LZIC: variants seen among roughly 807,000 people sequenced by gnomAD.
LZIC encodes the protein protein LZIC.
LZIC carries 28 observed loss-of-function variants against 25.4 expected under a neutral mutation model. The ratio of observed to expected loss-of-function variants is 1.10; its 90% confidence interval spans 0.82 to 1.51. LZIC has a LOEUF of 1.51. Among genes scored for constraint, LZIC ranks in the 40% most tolerant of loss-of-function variants. The pLI is 0.00. For synonymous variants in LZIC, 65 were observed against 70.7 expected (o/e 0.92, Z 0.40); for missense variants, 170 against 211.1 (o/e 0.81, Z 1.21).
intron 2 of LZIC, among the ~76,000 whole-genome samples, chr1:9,939,748 C>A (rs990881922): frequency 5.3e-5 from 8 of 152,028 alleles, no homozygotes; most frequent in African/African-American, 1.9e-4. Flanking sequence ...TTCTCCTCCC[C>A]AAAATTCTTG....
At position 9,929,453 on chromosome 1, in the gene LZIC, G is replaced by C. The variant is rs1391381328; in HGVS notation, c.*946C>G. On this transcript the variant is annotated 3_prime_UTR_variant, in exon 8 of 8. Coordinates refer to ENST00000377223, the MANE Select transcript of LZIC (RefSeq NM_032368.5). ...ATGTAAATACTCAGGAGAGAAATTTGCTTTTCCTCATAACTTATTTTGTGT... is the reference window on the plus strand; with the variant it reads ...ATGTAAATACTCAGGAGAGAAATTTCCTTTTCCTCATAACTTATTTTGTGT... The C allele has an allele frequency of 4.1e-6, 4 of 985,288 alleles. No homozygotes were observed. The highest frequency in any genetic ancestry group is 3.5e-5 in the African/African-American group (2 of 57,232). The allele number at this position is 985,288 out of a possible 1,614,324, so 61.0% of individuals were successfully genotyped here. A position where few individuals can be genotyped will look rare whatever the true frequency, so the allele number is the denominator to read the frequency against.
Position 9,936,641 on chromosome 1 carries a change from T to G in LZIC, c.-8-14A>C. On this transcript the variant is annotated splice_polypyrimidine_tract_variant and intron_variant, in intron 2 of 7. Transcript: ENST00000377223. ...CCATTTTAATCTCTATGTGAAACAA[T>G]AAACCCACATACCATATGAAATTAA... 1 of 1,496,252 alleles carries G rather than the reference T, an allele frequency of 6.7e-7. No individual in the cohort carries two copies. The highest frequency in any genetic ancestry group is 1.1e-5 in the South Asian group (1 of 88,496). 92.7% of individuals were successfully genotyped at this position (1,496,252 alleles called of 1,614,324 possible).
Position 9,929,337 on chromosome 1 carries a change from G to A in LZIC, c.*1062C>T. ...GTGCAAAGAAAAAGAATATTGAGAA[G>A]CACATGAAAGAATATAAAATGGCTA... On this transcript the variant is annotated 3_prime_UTR_variant, in exon 8 of 8. Transcript: ENST00000377223. 2 of 984,554 alleles carry A rather than the reference G, an allele frequency of 2.0e-6. No homozygotes were observed. The highest frequency in any genetic ancestry group is 2.4e-6 in the Non-Finnish European group (2 of 829,236). 61.0% of individuals were successfully genotyped at this position (984,554 alleles called of 1,614,324 possible). A position where few individuals can be genotyped will look rare whatever the true frequency, so the allele number is the denominator to read the frequency against.
rs1313982967 is a variant in LZIC at position 9,939,650 on chromosome 1, C to A, written c.-9+2974G>T. On this transcript the variant is annotated intron_variant, in intron 2 of 7. Transcript: ENST00000377223. ...TACAGGCATGAGCCACTGTGTCCAG[C>A]CCTCAGGCAACATTTCTTGCTATTT... is the stretch of plus-strand genomic sequence containing the variant. 2.0e-5 allele frequency among the ~76,000 whole-genome samples: 3 copies of A among 151,346 alleles called. No homozygotes were observed. The East Asian group carries it at 5.8e-4, about 29-fold the overall frequency.
At position 9,927,025 on chromosome 1, in the gene LZIC, A is replaced by C. The variant is rs1452932669; in HGVS notation, c.*3374T>G. The stretch of plus-strand genomic sequence containing the variant: ...AACTTTACGTGCATTAACAGAGGGG[A>C]ATGCATAATAATCCTATGAGGTAGG... On this transcript the variant is annotated 3_prime_UTR_variant, in exon 8 of 8. Transcript: ENST00000377223. Among the ~76,000 whole-genome samples the C allele has an allele frequency of 6.6e-6, 1 of 152,164 alleles. No individual in the cohort carries two copies. The highest frequency in any genetic ancestry group is 1.5e-5 in the Non-Finnish European group (1 of 68,022).
intron 3 of LZIC, among the ~76,000 whole-genome samples, chr1:9,935,958 C>T (rs1334011774): frequency 2.6e-5 from 4 of 151,928 alleles, no homozygotes; most frequent in African/African-American, 4.8e-5. Flanking sequence ...GGTAAAACCC[C>T]GTCTCTACTA....
downstream of LZIC, among the ~76,000 whole-genome samples, chr1:9,923,518 CTTTTTTTTTTTT>C (rs60858066): frequency 0.018 from 1,332 of 74,188 alleles, 41 homozygotes; most frequent in African/African-American, 0.063. Context: ...CCCAATGCTT[CTTTTTTTTTTTT>C]TTTTTTTTTT....
chr1:9,943,186 G>C (rs2101622884), intron 1 of LZIC, 63 bp downstream of exon 1: 1 of 173,760 alleles, frequency 5.8e-6, no homozygotes, highest in African/African-American at 2.4e-5. Flanking sequence ...GGCTCCAACA[G>C]GCCCCAATTG....
intron 5 of LZIC, among the ~76,000 whole-genome samples, chr1:9,934,227 C>CAAA (rs5772390): frequency 8.4e-6 from 1 of 119,346 alleles, no homozygotes; most frequent in Non-Finnish European, 1.8e-5. Context: ...GACCCCATCT[C>CAAA]AAAAAAAAAA....
intron 5 of LZIC, among the ~76,000 whole-genome samples, chr1:9,933,272 A>G (rs1234312533): frequency 1.4e-5 from 2 of 143,292 alleles, no homozygotes; most frequent in African/African-American, 5.1e-5. Context: ...AAAAAAAAAA[A>G]AAAAAAAAAA....
chr1:9,929,231 CCTCTAA>C lies in LZIC; in HGVS notation c.*1162_*1167del. The stretch of plus-strand genomic sequence containing the variant: ...AATAAGGCATCAGTGTAGCGGAGGT[CCTCTAA>C]TCTGTCTGGTTGGCAAAGCACCTAG... On this transcript the variant is annotated 3_prime_UTR_variant, in exon 8 of 8. Coordinates refer to ENST00000377223, the MANE Select transcript of LZIC (RefSeq NM_032368.5). 1.3e-6 allele frequency: 1 copy of C among 795,584 alleles called. No individual in the cohort carries two copies. Among genetic ancestry groups the C allele is most frequent in the Non-Finnish European group, 1.5e-6 (1 of 656,766 alleles). 49.3% of individuals were successfully genotyped at this position (795,584 alleles called of 1,614,324 possible).
In LZIC at chr1:9,942,779, G is replaced by C; in HGVS notation, c.-164C>G. On this transcript the variant is annotated 5_prime_UTR_variant, in exon 2 of 8. In the 5' UTR this introduces an upstream ATG that the reference lacks. Transcript: ENST00000377223. The stretch of plus-strand genomic sequence containing the variant: ...AAAGTTCAAACCACCTCGGGGTGGA[G>C]ATGCTGGAAAAAAGGAAACCATTAA... The C allele has an allele frequency of 1.0e-6, 1 of 970,710 alleles. No homozygotes were observed. Among genetic ancestry groups the C allele is most frequent in the Non-Finnish European group, 1.4e-6 (1 of 698,482 alleles). The allele number at this position is 970,710 out of a possible 1,614,324, so 60.1% of individuals were successfully genotyped here.
chr1:9,923,993 C>G (rs1050771802), downstream of LZIC, among the ~76,000 whole-genome samples: 1 of 152,282 alleles, frequency 6.6e-6, no homozygotes, highest in African/African-American at 2.4e-5. Flanking sequence ...TTCAGGTGAT[C>G]CACCCACCTC....
At position 9,928,930 on chromosome 1, in the gene LZIC, G is replaced by C. The variant is rs1246247076; in HGVS notation, c.*1469C>G. On this transcript the variant is annotated 3_prime_UTR_variant, in exon 8 of 8. Coordinates refer to ENST00000377223, the MANE Select transcript of LZIC (RefSeq NM_032368.5). ...GTGAAAGAAGCCAGATACATAAAAA[G>C]GTCACATATCATATGATTCCATTTA... is the stretch of plus-strand genomic sequence containing the variant. 6.6e-6 allele frequency: 1 copy of C among 151,036 alleles called. No homozygotes were observed. Among genetic ancestry groups the C allele is most frequent in the Non-Finnish European group, 1.5e-5 (1 of 67,846 alleles). 9.4% of individuals were successfully genotyped at this position (151,036 alleles called of 1,614,324 possible).
At chr1:9,941,185 GTTCGTTCT>G (rs888795248) in intron 2 of LZIC, among the ~76,000 whole-genome samples, 21 of 151,424 alleles carry the variant, frequency 1.4e-4, no homozygotes, top group Non-Finnish European at 4.4e-5. Context: ...TCTTTCGTTC[GTTCGTTCT>G]TTCTTTCCTC....
At chr1:9,933,184 G>C (rs1415016549) in intron 5 of LZIC, among the ~76,000 whole-genome samples, 1 of 144,984 alleles carries the variant, frequency 6.9e-6, no homozygotes, top group African/African-American at 2.5e-5. Flanking sequence ...GAACCCGGGA[G>C]GTGGAGCTTG....
Position 9,927,041 on chromosome 1 carries a change from A to G in LZIC, c.*3358T>C, listed in dbSNP as rs1640008115. ...ACAGAGGGGAATGCATAATAATCCT[A>G]TGAGGTAGGCCCTATTATCCTCATT... On this transcript the variant is annotated 3_prime_UTR_variant, in exon 8 of 8. Transcript: ENST00000377223. Among the ~76,000 whole-genome samples the G allele has an allele frequency of 6.6e-6, 1 of 152,200 alleles. No individual in the cohort carries two copies. The highest frequency in any genetic ancestry group is 2.1e-4 in the South Asian group (1 of 4,834).
downstream of LZIC, among the ~76,000 whole-genome samples, chr1:9,924,025 T>G (rs1639921782): frequency 6.6e-6 from 1 of 152,246 alleles, no homozygotes; most frequent in South Asian, 2.1e-4. Context: ...GTGCTGGGAT[T>G]ACAGGTGCCT....
intron 5 of LZIC, among the ~76,000 whole-genome samples, chr1:9,934,299 C>A (rs1640365021): frequency 6.6e-6 from 1 of 152,080 alleles, no homozygotes; most frequent in Non-Finnish European, 1.5e-5. Flanking sequence ...TCCAGCCAGT[C>A]TGACCAAAGT....
Sources: allele counts gnomAD v4.1 joint callset (sites outside exome capture counted in the v4.1 genomes callset), GRCh38; gene constraint gnomAD v4.1.1; transcripts MANE v1.5; gene names NCBI Gene and HGNC (gene_info 2026-07-23, HGNC 2026-07-21).